FOXA3: variants seen among roughly 807,000 people sequenced by gnomAD.
FOXA3 encodes the protein hepatocyte nuclear factor 3-gamma.
In FOXA3, 11 loss-of-function variants were observed where a neutral mutation model predicts 16.9. The ratio of observed to expected loss-of-function variants is 0.65; its 90% CI spans 0.41 to 1.08. The LOEUF (loss-of-function observed/expected upper bound fraction) is 1.08. Among genes scored for constraint, FOXA3 ranks in the 50% least tolerant of loss-of-function variants. The pLI, the probability that FOXA3 is intolerant of heterozygous loss-of-function variation, is 0.00. For missense variants in FOXA3, 423 were observed against 470.1 expected, an observed-to-expected ratio of 0.90 and a Z score of 0.93; for synonymous variants, 217 against 203.3, an observed-to-expected ratio of 1.07 and a Z score of -0.57.
intron 1 of FOXA3, among the ~76,000 whole-genome samples, chr19:45,865,908 T>C (rs1177624529): frequency 6.6e-6 from 1 of 151,916 alleles, no homozygotes; most frequent in East Asian, 1.9e-4. Context: ...TTCCAGGTAG[T>C]GGGGGTGATC....
chr19:45,868,225 T>C (rs1972104304), intron 1 of FOXA3, among the ~76,000 whole-genome samples: 1 of 152,094 alleles, frequency 6.6e-6, no homozygotes, highest in African/African-American at 2.4e-5. Flanking sequence ...GCCTCCACTC[T>C]CTGATTCCCT....
Position 45,864,375 on chromosome 19 carries a change from C to A in FOXA3, c.-82C>A. On this transcript the variant is annotated 5_prime_UTR_variant, in exon 1 of 2. Coordinates refer to ENST00000302177, the MANE Select transcript of FOXA3 (RefSeq NM_004497.3). ...GGACGGGCGGGCGCCGGTGGGAGCT[C>A]GGGCCGTGCCCGCTGAGAGATCCAG... 1 of 1,208,676 alleles carries A rather than the reference C, an allele frequency of 8.3e-7. No homozygotes were observed. The highest frequency in any genetic ancestry group is 1.1e-6 in the Non-Finnish European group (1 of 941,884). The allele number at this position is 1,208,676 out of a possible 1,614,324, so 74.9% of individuals were successfully genotyped here.
In FOXA3 at chr19:45,866,246, TA is replaced by T. The variant is rs199640130; in HGVS notation, c.69+1731del. Among the ~76,000 whole-genome samples the T allele has an allele frequency of 8.3e-4, 126 of 150,988 alleles. 2 individuals carry two copies. The South Asian group carries it at 0.025, about 29-fold the overall frequency. On this transcript the variant is annotated intron_variant, in intron 1 of 1. Transcript: ENST00000302177. The stretch of plus-strand genomic sequence containing the variant: ...GGGCAACATAGGGAGACCTTGTCTT[TA>T]AAAAAAAAATTTTTTTTTAATTAGT...
At chr19:45,867,428 G>GATAA (rs1196251250) in intron 1 of FOXA3, among the ~76,000 whole-genome samples, 4 of 151,442 alleles carry the variant, frequency 2.6e-5, no homozygotes, top group African/African-American at 9.7e-5. Context: ...TAGATAGATA[G>GATAA]ATAGATAGAT....
intron 1 of FOXA3, among the ~76,000 whole-genome samples, chr19:45,870,386 G>A (rs942629828): frequency 1.3e-5 from 2 of 150,628 alleles, no homozygotes; most frequent in Non-Finnish European, 3.0e-5. Context: ...TGTTAGCCAA[G>A]ATGGTCTCGA....
chr19:45,872,338 G>T lies in FOXA3; in HGVS notation c.333G>T (p.Arg111=), dbSNP rs780008914. ...HGKEMPKGYR[R]PLAHAKPPYS... is the part of the protein sequence containing the mutation. ...AGGAGATGCCGAAGGGGTATCGGCG[G>T]CCCCTGGCACACGCCAAGCCACCGT... Residue 111 remains arginine, a synonymous_variant, in exon 2 of 2, where the codon CGG becomes CGT. Transcript: ENST00000302177. The surrounding 1 kb of genome is among the most constrained non-coding windows in gnomAD (Gnocchi z 4.5). The T allele has an allele frequency of 2.2e-5, 36 of 1,613,924 alleles. No individual in the cohort carries two copies. Among genetic ancestry groups the T allele is most frequent in the Non-Finnish European group, 3.0e-5 (35 of 1,179,950 alleles).
At chr19:45,865,316 G>C (rs950855446) in intron 1 of FOXA3, among the ~76,000 whole-genome samples, 1 of 152,088 alleles carries the variant, frequency 6.6e-6, no homozygotes, top group Non-Finnish European at 1.5e-5. Context: ...TCCAGCTATT[G>C]CTAAAATTCC....
Position 45,873,310 on chromosome 19 carries a change from T to G in FOXA3, c.*252T>G. The G allele has an allele frequency of 1.8e-6, 1 of 566,020 alleles. No homozygotes were observed. 35.1% of individuals were successfully genotyped at this position (566,020 alleles called of 1,614,324 possible). The stretch of plus-strand genomic sequence containing the variant: ...TACATTGATGGATGTTATTGGCTAA[T>G]CCACTGCATGGTTTGATGGCCACCA... On this transcript the variant is annotated 3_prime_UTR_variant, in exon 2 of 2. Coordinates refer to ENST00000302177, the MANE Select transcript of FOXA3 (RefSeq NM_004497.3).
intron 1 of FOXA3, among the ~76,000 whole-genome samples, chr19:45,868,839 G>A (rs767276556): frequency 2.0e-5 from 3 of 152,156 alleles, no homozygotes; most frequent in Non-Finnish European, 4.4e-5. Context: ...TTTTCCTGGC[G>A]TGTTCTGTTC....
At chr19:45,869,386 A>G (rs1972113702) in intron 1 of FOXA3, among the ~76,000 whole-genome samples, 1 of 152,184 alleles carries the variant, frequency 6.6e-6, no homozygotes, top group Non-Finnish European at 1.5e-5. Context: ...GGGCATCATC[A>G]TAACACCTCC....
At position 45,867,837 on chromosome 19, in the gene FOXA3, T is replaced by C. The variant is rs564676043; in HGVS notation, c.69+3312T>C. Among the ~76,000 whole-genome samples the C allele has an allele frequency of 3.4e-4, 36 of 107,370 alleles. 1 individual carries two copies. The highest frequency in any genetic ancestry group is 5.6e-3 in the Middle Eastern group (1 of 178). The allele number at this position is 107,370 out of a possible 152,430, so 70.4% of individuals were successfully genotyped here. A position where few individuals can be genotyped will look rare whatever the true frequency, so the allele number is the denominator to read the frequency against. ...GCTGAAGGAGGAAGAAAGGTGGGAG[T>C]TGGGGTTGGGAGGGGAGTGGGGTAG... On this transcript the variant is annotated intron_variant, in intron 1 of 1. Coordinates refer to ENST00000302177, the MANE Select transcript of FOXA3 (RefSeq NM_004497.3).
In FOXA3 at chr19:45,872,817, T is replaced by C; in HGVS notation, c.812T>C (p.Leu271Pro). Residue 271 changes from leucine (L) to proline (P), a missense_variant, in exon 2 of 2, where the codon CTG becomes CCG. This residue lies in a region of FOXA3 where 168 missense variants were observed against 179.3 expected (regional missense o/e 0.94). Transcript: ENST00000302177. This position sits in a 1 kb window ranked among gnomAD's most constrained non-coding sequence, Gnocchi z 4.5. Reference protein sequence around the residue: ...EAQGGEDVGALDCGSPASSTP... With the variant: ...EAQGGEDVGAPDCGSPASSTP... ...CAGGGCGGGGAAGATGTGGGGGCTC[T>C]GGACTGTGGCTCACCCGCTTCCTCC... 1 of 1,612,524 alleles carries C rather than the reference T, an allele frequency of 6.2e-7. No individual in the cohort carries two copies. The highest frequency in any genetic ancestry group is 2.2e-5 in the East Asian group (1 of 44,898).
rs1472997335 is a variant in FOXA3, at chr19:45,873,150, A to G, written c.*92A>G. The G allele has an allele frequency of 6.5e-7, 1 of 1,537,246 alleles. No individual in the cohort carries two copies. The highest frequency in any genetic ancestry group is 1.4e-5 in the African/African-American group (1 of 72,808). On this transcript the variant is annotated 3_prime_UTR_variant, in exon 2 of 2. Coordinates refer to ENST00000302177, the MANE Select transcript of FOXA3 (RefSeq NM_004497.3). Reference sequence around the variant, plus strand: ...CTTCTGGTGACACTTCACTTGTCCCATTGGTTAACATCTGGGTGGGTCTAT... The same window carrying G: ...CTTCTGGTGACACTTCACTTGTCCCGTTGGTTAACATCTGGGTGGGTCTAT...
rs1433107899 is a variant in FOXA3 at position 45,872,860 on chromosome 19, C to T, written c.855C>T (p.Gly285=). ...SPASSTPYFT[G]LELPGELKLD... is the part of the protein sequence containing the mutation. ...CTTCCTCCACACCCTATTTCACTGG[C>T]CTGGAGCTCCCAGGGGAGCTGAAGC... Residue 285 remains glycine (G), a synonymous_variant, in exon 2 of 2, where the codon GGC becomes GGT. Transcript: ENST00000302177. This position sits in a 1 kb window ranked among gnomAD's most constrained non-coding sequence, Gnocchi z 4.5. 1 of 1,613,880 alleles carries T rather than the reference C, an allele frequency of 6.2e-7. No homozygotes were observed. Among genetic ancestry groups the T allele is most frequent in the African/African-American group, 1.3e-5 (1 of 75,028 alleles).
chr19:45,864,656 A>C, intron 1 of FOXA3, 131 bp downstream of exon 1: 1 of 656,676 alleles, frequency 1.5e-6, no homozygotes, highest in Non-Finnish European at 2.2e-6. Flanking sequence ...GGAACTGGGA[A>C]CACGGAGACC....
chr19:45,872,890 C>T lies in FOXA3; in HGVS notation c.885C>T (p.Asp295=), dbSNP rs946058176. The change falls in exon 2 of 2, where the codon GAC becomes GAT. Residue 295 remains aspartate (D), a synonymous_variant. Transcript: ENST00000302177. This position sits in a 1 kb window ranked among gnomAD's most constrained non-coding sequence, Gnocchi z 4.5. ...GLELPGELKL[D]APYNFNHPFS... ...AGCTCCCAGGGGAGCTGAAGCTGGA[C>T]GCGCCCTACAACTTCAACCACCCTT... 33 of 1,613,970 alleles carry T rather than the reference C, an allele frequency of 2.0e-5. No homozygotes were observed. The highest frequency in any genetic ancestry group is 1.6e-4 in the Middle Eastern group (1 of 6,084).
At position 45,872,079 on chromosome 19, in the gene FOXA3, A is replaced by T. The variant is rs757615875; in HGVS notation, c.74A>T (p.Tyr25Phe). The stretch of plus-strand genomic sequence containing the variant: ...CTCCTTTCATCTTTCCCCTAGGTCT[A>T]CTCGCCGGTGACCCCAGTGCCCACC... ...WSYYPEAGEV[Y>F]SPVTPVPTMA... The change falls in exon 2 of 2, where the codon TAC becomes TTC. Residue 25 changes from tyrosine to phenylalanine, a missense_variant. Around this residue, in one of 3 missense-constraint regions of FOXA3, gnomAD observed 170 missense variants for 153.9 expected, o/e 1.10. Coordinates refer to ENST00000302177, the MANE Select transcript of FOXA3 (RefSeq NM_004497.3). The surrounding 1 kb of genome is among the most constrained non-coding windows in gnomAD (Gnocchi z 4.5). 6.2e-7 allele frequency: 1 copy of T among 1,611,238 alleles called. No individual in the cohort carries two copies. Among genetic ancestry groups the T allele is most frequent in the East Asian group, 2.2e-5 (1 of 44,848 alleles).
At position 45,872,619 on chromosome 19, in the gene FOXA3, G is replaced by A. The variant is rs780494558; in HGVS notation, c.614G>A (p.Cys205Tyr). ...PSSGNMFENG[C>Y]YLRRQKRFKL... Reference sequence around the variant, plus strand: ...TCAGGGAACATGTTTGAGAATGGCTGCTACCTGCGCCGCCAGAAACGCTTC... The same window carrying A: ...TCAGGGAACATGTTTGAGAATGGCTACTACCTGCGCCGCCAGAAACGCTTC... Residue 205 changes from cysteine to tyrosine, a missense_variant, in exon 2 of 2, where the codon TGC becomes TAC. Transcript: ENST00000302177. The surrounding 1 kb of genome is among the most constrained non-coding windows in gnomAD (Gnocchi z 4.5). 25 of 1,613,946 alleles carry A rather than the reference G, an allele frequency of 1.5e-5. No homozygotes were observed. The highest frequency in any genetic ancestry group is 1.9e-5 in the Non-Finnish European group (23 of 1,179,972).
chr19:45,868,378 G>C (rs1008364363), intron 1 of FOXA3, among the ~76,000 whole-genome samples: 2 of 151,992 alleles, frequency 1.3e-5, no homozygotes, highest in African/African-American at 2.4e-5. Context: ...TCAGGAGTTC[G>C]AGACTAGCCT....
Sources: allele counts gnomAD v4.1 joint callset (sites outside exome capture counted in the v4.1 genomes callset), GRCh38; gene constraint gnomAD v4.1.1; regional missense constraint gnomAD v4.1.1; non-coding constraint Gnocchi (gnomAD v3.1); transcripts MANE v1.5; gene names NCBI Gene and HGNC (gene_info 2026-07-23, HGNC 2026-07-21).